The following XNDC1N variants were observed in gnomAD, a reference collection of about 807,000 sequenced individuals.
XNDC1N encodes the protein XRCC1 N-terminal domain containing 1, N-terminal like, also known as protein XNDC1N.
the XNDC1N span, among the ~76,000 whole-genome samples, chr11:71,925,719 G>A: frequency 2.7e-5 from 4 of 146,354 alleles, no homozygotes; most frequent in Non-Finnish European, 6.0e-5. Context: ...ACGAGGTCAG[G>A]AGTACAAAAA....
the XNDC1N span, among the ~76,000 whole-genome samples, chr11:71,894,714 A>C: frequency 6.6e-6 from 1 of 152,168 alleles, no homozygotes; most frequent in African/African-American, 2.4e-5. Flanking sequence ...CGAAGTCCTC[A>C]CTTCGTTTTG....
At chr11:71,926,809 G>A in the XNDC1N span, among the ~76,000 whole-genome samples, 3 of 151,996 alleles carry the variant, frequency 2.0e-5, no homozygotes, top group Non-Finnish European at 2.9e-5. Context: ...GCTGAGGCAG[G>A]AGAATCACTT....
At chr11:71,881,476 G>A in the XNDC1N span, among the ~76,000 whole-genome samples, 1 of 152,066 alleles carries the variant, frequency 6.6e-6, no homozygotes, top group African/African-American at 2.4e-5. Context: ...TTCTCCTGAG[G>A]CCTGTCTTGG....
chr11:71,865,783 T>TG, the XNDC1N span: 2 of 413,430 alleles, frequency 4.8e-6, no homozygotes, highest in South Asian at 3.6e-5. Context: ...TTTTTTTTTT[T>TG]GCTGTGGGGA....
At chr11:71,870,885 G>A in the XNDC1N span, among the ~76,000 whole-genome samples, 7 of 152,218 alleles carry the variant, frequency 4.6e-5, no homozygotes, top group East Asian at 1.3e-3. Context: ...AAATGTAACA[G>A]GTGTGGGAGA....
the XNDC1N span, among the ~76,000 whole-genome samples, chr11:71,895,685 T>A: frequency 6.6e-6 from 1 of 152,228 alleles, no homozygotes; most frequent in Non-Finnish European, 1.5e-5. Flanking sequence ...ACACATTGAT[T>A]GCTGCTTTGT....
the XNDC1N span, among the ~76,000 whole-genome samples, chr11:71,876,346 G>A: frequency 2.6e-5 from 4 of 152,146 alleles, no homozygotes; most frequent in East Asian, 7.7e-4. Flanking sequence ...AAAAGTCATT[G>A]GTCAAAGCAC....
At chr11:71,907,504 A>C in the XNDC1N span, among the ~76,000 whole-genome samples, 1 of 151,666 alleles carries the variant, frequency 6.6e-6, no homozygotes, top group African/African-American at 2.4e-5. Context: ...CGGTGGACTC[A>C]CAGCCTGTTT....
At chr11:71,916,323 A>T in the XNDC1N span, 1 of 685,500 alleles carries the variant, frequency 1.5e-6, no homozygotes, top group East Asian at 2.7e-5. Flanking sequence ...GAGGAAGAAA[A>T]GGTCAATACT....
chr11:71,890,312 G>A, the XNDC1N span, among the ~76,000 whole-genome samples: 25 of 152,108 alleles, frequency 1.6e-4, no homozygotes, highest in South Asian at 1.9e-3. Context: ...GTGCGTGTAC[G>A]CCTGTCGCGA....
chr11:71,881,157 G>C, the XNDC1N span, among the ~76,000 whole-genome samples: 4 of 152,108 alleles, frequency 2.6e-5, no homozygotes, highest in Admixed American at 2.6e-4. Flanking sequence ...TCTCTCTTTA[G>C]CTCTAATGAC....
At chr11:71,904,408 G>A in the XNDC1N span, among the ~76,000 whole-genome samples, 2 of 152,100 alleles carry the variant, frequency 1.3e-5, no homozygotes, top group African/African-American at 4.8e-5. Flanking sequence ...CATATCAAGG[G>A]TGTACACACA....
the XNDC1N span, among the ~76,000 whole-genome samples, chr11:71,889,689 A>G: frequency 6.6e-6 from 1 of 152,180 alleles, no homozygotes. Context: ...TGAGGCAGCC[A>G]TGTGTTACCT....
At chr11:71,922,737 A>G in the XNDC1N span, among the ~76,000 whole-genome samples, 1 of 152,234 alleles carries the variant, frequency 6.6e-6, no homozygotes, top group African/African-American at 2.4e-5. Flanking sequence ...CCAAATGCCA[A>G]TGGCACCCCT....
chr11:71,919,662 G>A, the XNDC1N span, among the ~76,000 whole-genome samples: 1 of 140,852 alleles, frequency 7.1e-6, no homozygotes, highest in African/African-American at 2.7e-5. Flanking sequence ...CCGTAGCCCA[G>A]GCTAGAATGC....
the XNDC1N span, among the ~76,000 whole-genome samples, chr11:71,897,079 A>C: frequency 6.6e-6 from 1 of 152,230 alleles, no homozygotes; most frequent in African/African-American, 2.4e-5. Flanking sequence ...AAAATTAACA[A>C]AAACTGGATC....
At chr11:71,904,196 G>A in the XNDC1N span, 2 of 409,900 alleles carry the variant, frequency 4.9e-6, no homozygotes, top group African/African-American at 2.0e-5. Flanking sequence ...AAATAAGAAT[G>A]ATATCACAGG....
At chr11:71,866,548 G>A in the XNDC1N span, among the ~76,000 whole-genome samples, 3 of 152,254 alleles carry the variant, frequency 2.0e-5, no homozygotes, top group East Asian at 5.8e-4. Context: ...TTGGGAGGCC[G>A]AGGTCAGGAG....
At chr11:71,873,336 T>A in the XNDC1N span, among the ~76,000 whole-genome samples, 2 of 152,310 alleles carry the variant, frequency 1.3e-5, no homozygotes, top group Middle Eastern at 3.4e-3. Flanking sequence ...ATCTAATTAT[T>A]TTGTATTCAT....
Sources: gnomAD v4.1 joint callset for allele counts (sites outside exome capture counted in the v4.1 genomes callset) on GRCh38, gnomAD v4.1.1 for gene constraint, MANE v1.5 for transcripts, NCBI Gene and HGNC (gene_info 2026-07-23, HGNC 2026-07-21) for gene names.